The following ABCC2 variants were observed in gnomAD, a reference collection of about 807,000 sequenced individuals.
The protein encoded by ABCC2 is ATP-binding cassette sub-family C member 2.
A neutral mutation model predicts 173.4 loss-of-function variants in ABCC2; 157 were observed. That is an observed-to-expected ratio of 0.91 (90% CI 0.80 to 1.03). ABCC2 has a LOEUF of 1.03. ABCC2 is among the 50% of genes least tolerant of loss of function. The pLI is 0.00. For missense variants in ABCC2, 1,822 were observed against 1,852.3 expected, an observed-to-expected ratio of 0.98 and a Z score of 0.30; for synonymous variants, 657 against 693.5, an observed-to-expected ratio of 0.95 and a Z score of 0.83.
At chr10:99,846,938 C>T in intron 29 of ABCC2, 23 bp from the exon 30 acceptor site, 1 of 1,613,974 alleles carries the variant, frequency 6.2e-7, no homozygotes, top group Non-Finnish European at 8.5e-7. Flanking sequence ...GCCCCAACAG[C>T]CCCCTTGTCC....
rs150753386 is a variant in ABCC2 at position 99,848,538 on chromosome 10, T to C, written c.4313+1411T>C. Among the ~76,000 whole-genome samples the C allele has an allele frequency of 3.9e-5, 6 of 152,284 alleles. No individual in the cohort carries two copies. The East Asian group carries it at 1.2e-3, about 29-fold the overall frequency. On this transcript the variant is annotated intron_variant, in intron 30 of 31. Transcript: ENST00000647814. ...AAGGAAGGGAGGGCTCAGTAACTGATTCAGGGGCCAGCCACTCTGGCTTCA... is the reference window on the plus strand; with the variant it reads ...AAGGAAGGGAGGGCTCAGTAACTGACTCAGGGGCCAGCCACTCTGGCTTCA...
Position 99,784,749 on chromosome 10 carries a change from T to A in ABCC2, c.175T>A (p.Ser59Thr). The A allele has an allele frequency of 1.2e-6, 2 of 1,614,092 alleles. No individual in the cohort carries two copies. The highest frequency in any genetic ancestry group is 1.7e-6 in the Non-Finnish European group (2 of 1,180,022). ...LHVYKSRTKR[S>T]STTKLYLAKQ... ...CGTGTATAAATCCAGGACCAAGAGA[T>A]CCTCTACCACCAAACTCTATCTTGC... Residue 59 changes from serine (S) to threonine (T), a missense_variant, in exon 2 of 32, where the codon TCC becomes ACC. Ser to Thr is a moderately conservative substitution (Grantham distance 58, BLOSUM62 1). Coordinates refer to ENST00000647814, the MANE Select transcript of ABCC2 (RefSeq NM_000392.5).
chr10:99,798,869 A>G (rs1475424481), intron 7 of ABCC2, among the ~76,000 whole-genome samples: 1 of 152,212 alleles, frequency 6.6e-6, no homozygotes, highest in Non-Finnish European at 1.5e-5. Context: ...AAGAACAAGC[A>G]TGAAAAGAAC....
At chr10:99,846,284 C>T (rs1264805661) in intron 29 of ABCC2, among the ~76,000 whole-genome samples, 1 of 152,248 alleles carries the variant, frequency 6.6e-6, no homozygotes, top group East Asian at 1.9e-4. Flanking sequence ...CCTCTCCGTT[C>T]CCCGCAGCGG....
intron 16 of ABCC2, among the ~76,000 whole-genome samples, chr10:99,814,163 GTA>G (rs1177115532): frequency 0.022 from 786 of 35,058 alleles, 130 homozygotes; most frequent in African/African-American, 0.086. Context: ...GTATACACAC[GTA>G]TATATACACA....
At chr10:99,792,474 A>T in intron 3 of ABCC2, 115 bp downstream of exon 3, 1 of 1,506,300 alleles carries the variant, frequency 6.6e-7, no homozygotes, top group South Asian at 1.2e-5. Flanking sequence ...TTTTCGCGGG[A>T]TCCATAGTGA....
chr10:99,839,357 C>CG (rs2038895579), intron 25 of ABCC2, among the ~76,000 whole-genome samples: 1 of 64,178 alleles, frequency 1.6e-5, no homozygotes, highest in African/African-American at 5.7e-5. Flanking sequence ...GCTGGCTGGG[C>CG]GGGGGGGCTG....
At chr10:99,796,499 G>A (rs924081026) in intron 6 of ABCC2, among the ~76,000 whole-genome samples, 26 of 151,918 alleles carry the variant, frequency 1.7e-4, no homozygotes, top group African/African-American at 4.4e-4. Flanking sequence ...TCGCAACTCC[G>A]TCTCAACAGA....
intron 6 of ABCC2, among the ~76,000 whole-genome samples, chr10:99,795,779 GAAAGAAAGAAAGAAAGAA>G (rs2037898699): frequency 3.4e-5 from 5 of 146,842 alleles, no homozygotes; most frequent in African/African-American, 1.3e-4. Context: ...AAGAAAGAAA[GAAAGAAAGAAAGAAAGAA>G]AGAAAGATTT....
At chr10:99,822,758 C>T (rs2038559606) in intron 19 of ABCC2, among the ~76,000 whole-genome samples, 1 of 152,200 alleles carries the variant, frequency 6.6e-6, no homozygotes, top group Non-Finnish European at 1.5e-5. Context: ...ACACTCCTTA[C>T]TGTCTCCTGC....
chr10:99,819,384 C>A, intron 19 of ABCC2, 115 bp downstream of exon 19: 1 of 1,027,576 alleles, frequency 9.7e-7, no homozygotes. Context: ...AGCAAACTAC[C>A]CAGAGATTCA....
intron 26 of ABCC2, 126 bp downstream of exon 26, chr10:99,842,219 TTCAAACCCTGGC>T: frequency 7.3e-7 from 1 of 1,365,586 alleles, no homozygotes; most frequent in Non-Finnish European, 1.0e-6. Flanking sequence ...AAGACTGAGG[TTCAAACCCTGGC>T]TCCATCTTTT....
chr10:99,804,064 G>A lies in ABCC2; in HGVS notation c.1255G>A (p.Glu419Lys). 2.5e-6 allele frequency: 4 copies of A among 1,614,152 alleles called. No individual in the cohort carries two copies. The highest frequency in any genetic ancestry group is 2.5e-6 in the Non-Finnish European group (3 of 1,180,016). Residue 419 changes from glutamate (E) to lysine (K), a missense_variant, in exon 10 of 32, where the codon GAA becomes AAA. Coordinates refer to ENST00000647814, the MANE Select transcript of ABCC2 (RefSeq NM_000392.5). ...NLARKEYTVG[E>K]TVNLMSVDAQ... ...GGCCAGGAAGGAGTACACCGTTGGAGAAACAGTGAACCTGATGTCTGTGGA... is the reference window on the plus strand; with the variant it reads ...GGCCAGGAAGGAGTACACCGTTGGAAAAACAGTGAACCTGATGTCTGTGGA...
At chr10:99,783,778 C>T (rs1173735602) in intron 1 of ABCC2, among the ~76,000 whole-genome samples, 1 of 152,096 alleles carries the variant, frequency 6.6e-6, no homozygotes, top group Admixed American at 6.6e-5. Context: ...GTGTATACCA[C>T]GGCAAGGTGG....
In ABCC2 at chr10:99,805,444, C is replaced by G; in HGVS notation, c.1527C>G (p.Ile509Met). 6.2e-7 allele frequency: 1 copy of G among 1,613,672 alleles called. No homozygotes were observed. The highest frequency in any genetic ancestry group is 8.5e-7 in the Non-Finnish European group (1 of 1,179,768). Reference sequence around the variant, plus strand: ...TCATGAATGAGATTCTTAGTGGAATCAAGGTGAGAATCTGAGCGTAGGTGG... The same window carrying G: ...TCATGAATGAGATTCTTAGTGGAATGAAGGTGAGAATCTGAGCGTAGGTGG... ...LKIMNEILSG[I>M]KILKYFAWEP... Residue 509 changes from isoleucine (I) to methionine (M), a missense_variant, in exon 11 of 32, where the codon ATC (isoleucine) becomes ATG (methionine). Ile to Met is a conservative substitution (Grantham distance 10). Transcript: ENST00000647814.
At chr10:99,797,497 A>G (rs1442560712) in intron 7 of ABCC2, 166 bp downstream of exon 7, 9 of 687,284 alleles carry the variant, frequency 1.3e-5, no homozygotes, top group Non-Finnish European at 2.3e-5. Context: ...AGTGATGGAT[A>G]CATGGCGTGT....
rs376124211 is a variant in ABCC2, at chr10:99,810,153, G to A, written c.1835G>A (p.Arg612Gln). Residue 612 changes from arginine (R) to glutamine (Q), a missense_variant, in exon 14 of 32, where the codon CGG becomes CAG. Transcript: ENST00000647814. ...SMLQASVSTE[R>Q]LEKYLGGDDL... The stretch of plus-strand genomic sequence containing the variant: ...CTCTAGGCCAGTGTTTCCACAGAGC[G>A]GCTAGAGAAGTACTTGGGAGGGGAT... 1.2e-5 allele frequency: 19 copies of A among 1,613,406 alleles called. No homozygotes were observed. The highest frequency in any genetic ancestry group is 3.3e-5 in the Admixed American group (2 of 59,980).
chr10:99,834,395 G>T lies in ABCC2; in HGVS notation c.3274G>T (p.Asp1092Tyr). 1 of 1,614,124 alleles carries T rather than the reference G, an allele frequency of 6.2e-7. No homozygotes were observed. Among genetic ancestry groups the T allele is most frequent in the South Asian group, 1.1e-5 (1 of 91,074 alleles). Residue 1092 changes from aspartate to tyrosine, a missense_variant, in exon 24 of 32, where the codon GAT (aspartate) becomes TAT (tyrosine). Coordinates refer to ENST00000647814, the MANE Select transcript of ABCC2 (RefSeq NM_000392.5). ...GTTTTCCTAGGATATTTCCACAGTG[G>T]ATGACACCCTGCCTCAGTCCTTGCG... is the stretch of plus-strand genomic sequence containing the variant. ...NRFAGDISTV[D>Y]DTLPQSLRSW...
At chr10:99,814,144 C>CGTAT (rs1564683166) in intron 16 of ABCC2, among the ~76,000 whole-genome samples, 1 of 32,264 alleles carries the variant, frequency 3.1e-5, no homozygotes, top group African/African-American at 1.3e-4. Flanking sequence ...TATATATACA[C>CGTAT]ACATGTATGT....
Sources: allele counts gnomAD v4.1 joint callset (sites outside exome capture counted in the v4.1 genomes callset), GRCh38; gene constraint gnomAD v4.1.1; transcripts MANE v1.5; gene names NCBI Gene and HGNC (gene_info 2026-07-23, HGNC 2026-07-21).